MITF: variants seen among roughly 807,000 people sequenced by gnomAD.
The protein encoded by MITF is microphthalmia-associated transcription factor.
A neutral mutation model predicts 60.5 loss-of-function variants in MITF; 17 were observed. The observed-to-expected ratio is 0.28, with a 90% CI of 0.19 to 0.42. The LOEUF (loss-of-function observed/expected upper bound fraction) is 0.42, where lower values mean the gene tolerates loss of function less well. Ranked by LOEUF, MITF falls within the 10% of genes least tolerant of loss-of-function variation. The probability of loss-of-function intolerance (pLI) is 1.00; values close to 1 mark genes in which losing one functional copy is unlikely to be tolerated. For synonymous variants in MITF, 260 were observed against 248.5 expected (o/e 1.05, Z -0.43); for missense variants, 622 against 683.5 (o/e 0.91, Z 1.00).
chr3:69,788,031 A>G (rs1422287285), intron 1 of MITF, among the ~76,000 whole-genome samples: 1 of 152,110 alleles, frequency 6.6e-6, no homozygotes, highest in African/African-American at 2.4e-5. Context: ...GAGGTTAAAT[A>G]AGGTTCACAA....
chr3:69,841,294 A>T (rs990526789), intron 1 of MITF, among the ~76,000 whole-genome samples: 1 of 152,240 alleles, frequency 6.6e-6, no homozygotes, highest in Non-Finnish European at 1.5e-5. Flanking sequence ...GGCAATCTTC[A>T]TGACACTTTA....
chr3:69,866,483 C>CT, intron 1 of MITF: 1 of 869,106 alleles, frequency 1.2e-6, no homozygotes, highest in South Asian at 1.7e-5. Context: ...TTCTCACTGG[C>CT]TTTAATCAGC....
chr3:69,828,447 A>T (rs768438847), intron 1 of MITF, among the ~76,000 whole-genome samples: 1 of 152,150 alleles, frequency 6.6e-6, no homozygotes, highest in Non-Finnish European at 1.5e-5. Context: ...TCAAGTAGAT[A>T]ATGTTAACTC....
intron 1 of MITF, among the ~76,000 whole-genome samples, chr3:69,856,233 T>G (rs1329178373): frequency 6.6e-6 from 1 of 152,216 alleles, no homozygotes; most frequent in African/African-American, 2.4e-5. Context: ...ATTTTAGCTA[T>G]TCTCATGCTA....
intron 1 of MITF, among the ~76,000 whole-genome samples, chr3:69,753,903 A>G (rs187696655): frequency 1.3e-5 from 2 of 152,204 alleles, no homozygotes; most frequent in Admixed American, 1.3e-4. Flanking sequence ...GAGACTTTGG[A>G]CTTTTGAGTT....
intron 2 of MITF, chr3:69,936,619 A>G (rs1184643599): frequency 7.6e-6 from 12 of 1,573,166 alleles, no homozygotes; most frequent in Admixed American, 1.8e-5. Context: ...CCTTGTTTAT[A>G]GTACCTTCTC....
intron 1 of MITF, among the ~76,000 whole-genome samples, chr3:69,870,213 G>A (rs2064198910): frequency 1.3e-5 from 2 of 148,358 alleles, no homozygotes; most frequent in Admixed American, 6.7e-5. Flanking sequence ...TCTTAAGAAT[G>A]TTTTGAAAGT....
At chr3:69,948,545 TAA>T (rs796754740) in intron 5 of MITF, among the ~76,000 whole-genome samples, 6 of 139,270 alleles carry the variant, frequency 4.3e-5, no homozygotes, top group African/African-American at 1.3e-4. Flanking sequence ...CATTTCCAAT[TAA>T]AAAAAAAAAA....
chr3:69,776,788 A>C (rs550537930), intron 1 of MITF, among the ~76,000 whole-genome samples: 19 of 152,322 alleles, frequency 1.2e-4, no homozygotes, highest in African/African-American at 4.6e-4. Flanking sequence ...GATTTGGAAC[A>C]TGGAAAATAC....
In MITF at chr3:69,906,702, G is replaced by A. The variant is rs1300678904; in HGVS notation, c.354+27319G>A. On this transcript the variant is annotated intron_variant, in intron 2 of 9. Coordinates refer to ENST00000352241, the MANE Select transcript of MITF (RefSeq NM_001354604.2). Reference sequence around the variant, plus strand: ...CTTCGGAAGTGACTTCACAGTACATGTCACAAGGCCAATTAAACCCTGGTA... The same window carrying A: ...CTTCGGAAGTGACTTCACAGTACATATCACAAGGCCAATTAAACCCTGGTA... Among the ~76,000 whole-genome samples the A allele has an allele frequency of 2.0e-5, 3 of 152,234 alleles. No individual in the cohort carries two copies. In the East Asian group the frequency reaches 5.8e-4, roughly 29 times the overall value.
intron 1 of MITF, among the ~76,000 whole-genome samples, chr3:69,800,252 T>G (rs902406749): frequency 1.3e-5 from 2 of 152,198 alleles, no homozygotes; most frequent in African/African-American, 4.8e-5. Flanking sequence ...ATTTTCAAGA[T>G]TCAGCCTTGA....
At chr3:69,834,899 C>T (rs1417201795) in intron 1 of MITF, among the ~76,000 whole-genome samples, 1 of 145,004 alleles carries the variant, frequency 6.9e-6, no homozygotes, top group African/African-American at 2.6e-5. Context: ...GGTAGTATCT[C>T]CCTACGGCTT....
At chr3:69,850,741 G>C (rs1410841982) in intron 1 of MITF, among the ~76,000 whole-genome samples, 1 of 152,176 alleles carries the variant, frequency 6.6e-6, no homozygotes, top group African/African-American at 2.4e-5. Context: ...ATAGACAGTG[G>C]CTCAGGCTCC....
intron 2 of MITF, among the ~76,000 whole-genome samples, chr3:69,893,806 A>C (rs1003661961): frequency 5.9e-5 from 9 of 152,220 alleles, no homozygotes; most frequent in African/African-American, 2.2e-4. Flanking sequence ...TTCCTCTAAC[A>C]GTAATTTTTG....
chr3:69,785,881 G>A (rs1003873853), intron 1 of MITF, among the ~76,000 whole-genome samples: 5 of 152,086 alleles, frequency 3.3e-5, no homozygotes, highest in African/African-American at 9.7e-5. Flanking sequence ...ACACATCCAG[G>A]GTGATCTGTA....
In MITF at chr3:69,966,980, A is replaced by G; in HGVS notation, c.*1732A>G. 4.3e-6 allele frequency: 1 copy of G among 232,086 alleles called. No individual in the cohort carries two copies. Among genetic ancestry groups the G allele is most frequent in the African/African-American group, 2.2e-5 (1 of 45,372 alleles). 14.4% of individuals were successfully genotyped at this position (232,086 alleles called of 1,614,324 possible). A position where few individuals can be genotyped will look rare whatever the true frequency, so the allele number is the denominator to read the frequency against. On this transcript the variant is annotated 3_prime_UTR_variant, in exon 10 of 10. Coordinates refer to ENST00000352241, the MANE Select transcript of MITF (RefSeq NM_001354604.2). The stretch of plus-strand genomic sequence containing the variant: ...ATAAGAGCTTCCAATTTTCCTTCAG[A>G]TATTTTTAATATTAAATATATTTTA...
chr3:69,829,672 G>GCACACACA (rs34482357), intron 1 of MITF, among the ~76,000 whole-genome samples: 55 of 150,696 alleles, frequency 3.6e-4, no homozygotes, highest in Middle Eastern at 3.5e-3. Context: ...AGGTGTGGAT[G>GCACACACA]CACACACACA....
intron 1 of MITF, among the ~76,000 whole-genome samples, chr3:69,855,260 C>CAAAAAAAAAAAAAAAAAAA (rs33962275): frequency 1.2e-5 from 1 of 84,604 alleles, no homozygotes; most frequent in Non-Finnish European, 2.3e-5. Flanking sequence ...TTCCCATAAG[C>CAAAAAAAAAAAAAAAAAAA]AAAAAAAAAA....
chr3:69,777,992 G>A (rs1271208958), intron 1 of MITF, among the ~76,000 whole-genome samples: 2 of 152,232 alleles, frequency 1.3e-5, no homozygotes, highest in Admixed American at 6.5e-5. Context: ...TGTAGGAGAT[G>A]GTGACAAAGA....
Sources: allele counts gnomAD v4.1 joint callset (sites outside exome capture counted in the v4.1 genomes callset), GRCh38; gene constraint gnomAD v4.1.1; transcripts MANE v1.5; gene names NCBI Gene and HGNC (gene_info 2026-07-23, HGNC 2026-07-21).